QRSL1: variants seen among roughly 807,000 people sequenced by gnomAD.
The protein encoded by QRSL1 is glutamyl-tRNA(Gln) amidotransferase subunit A, mitochondrial.
Under a neutral mutation model 61.6 loss-of-function variants are expected in QRSL1, and 54 were observed. That is an observed-to-expected ratio of 0.88 (90% confidence interval 0.70 to 1.10). QRSL1 has a LOEUF of 1.10. QRSL1 is among the 50% of genes least tolerant of loss of function. The probability of loss-of-function intolerance (pLI) is 0.00; values close to 1 mark genes in which losing one functional copy is unlikely to be tolerated. For synonymous variants in QRSL1, 228 were observed against 225.7 expected (o/e 1.01, Z -0.09); for missense variants, 505 against 622.6 (o/e 0.81, Z 2.01).
intron 1 of QRSL1, among the ~76,000 whole-genome samples, chr6:106,633,097 T>C (rs1221701037): frequency 6.6e-6 from 1 of 152,204 alleles, no homozygotes; most frequent in Non-Finnish European, 1.5e-5. Flanking sequence ...AAAAGAACTA[T>C]TTAGGAGAGC....
At chr6:106,656,133 G>A (rs920988235) in intron 9 of QRSL1, among the ~76,000 whole-genome samples, 2 of 152,130 alleles carry the variant, frequency 1.3e-5, no homozygotes, top group East Asian at 3.8e-4. Context: ...AATTTTAAAC[G>A]TGCAGGAGGT....
At chr6:106,649,871 T>A (rs1173094429) in intron 5 of QRSL1, among the ~76,000 whole-genome samples, 1 of 152,222 alleles carries the variant, frequency 6.6e-6, no homozygotes, top group Non-Finnish European at 1.5e-5. Flanking sequence ...GTTGCTGTGT[T>A]TATCAGTCTC....
chr6:106,633,228 A>C (rs1440437641), intron 1 of QRSL1, among the ~76,000 whole-genome samples: 1 of 152,210 alleles, frequency 6.6e-6, no homozygotes, highest in Non-Finnish European at 1.5e-5. Context: ...CCCAGCTCTA[A>C]AACTACCTTC....
At chr6:106,659,918 C>T (rs1185058578) in intron 9 of QRSL1, among the ~76,000 whole-genome samples, 2 of 152,156 alleles carry the variant, frequency 1.3e-5, no homozygotes. Context: ...GATTGTTTCC[C>T]CAGCCTTGGG....
At position 106,643,219 on chromosome 6, in the gene QRSL1, T is replaced by G. The variant is rs565122003; in HGVS notation, c.380+129T>G. The G allele has an allele frequency of 2.4e-5, 16 of 665,294 alleles. No homozygotes were observed. The South Asian group carries it at 3.0e-4, about 13-fold the overall frequency. 41.2% of individuals were successfully genotyped at this position (665,294 alleles called of 1,614,324 possible). Reference sequence around the variant, plus strand: ...GTCCCTCTGTGAGATTATGTTATGTTGTTTAATAGATATATAGTCATCTCT... The same window carrying G: ...GTCCCTCTGTGAGATTATGTTATGTGGTTTAATAGATATATAGTCATCTCT... On this transcript the variant is annotated intron_variant, in intron 4 of 10. Transcript: ENST00000369046.
intron 4 of QRSL1, among the ~76,000 whole-genome samples, chr6:106,644,901 T>A (rs1002554349): frequency 6.6e-6 from 1 of 152,234 alleles, no homozygotes; most frequent in African/African-American, 2.4e-5. Context: ...AGATCTGTTA[T>A]TCACTTCGAA....
chr6:106,635,657 G>A (rs1043460857), intron 1 of QRSL1, among the ~76,000 whole-genome samples: 13 of 151,984 alleles, frequency 8.6e-5, no homozygotes, highest in African/African-American at 4.8e-5. Context: ...GGCAGATCAC[G>A]AGGTCAGGAG....
chr6:106,662,771 G>A (rs963794061), intron 9 of QRSL1, among the ~76,000 whole-genome samples: 3 of 152,038 alleles, frequency 2.0e-5, no homozygotes, highest in Non-Finnish European at 1.5e-5. Flanking sequence ...CCCCTATGGC[G>A]TCTATGATAG....
Position 106,665,857 on chromosome 6 carries a change from C to T in QRSL1, c.1442C>T (p.Ala481Val), listed in dbSNP as rs142696796. The change falls in exon 11 of 11, where the codon GCG (alanine) becomes GTG (valine). Residue 481 changes from alanine to valine, a missense_variant. Physicochemically the swap from Ala to Val is moderately conservative, Grantham distance 64 (BLOSUM62 0). Transcript: ENST00000369046. Reference sequence around the variant, plus strand: ...ATAGGACTGCAGTTTATTGGACGTGCGTTTTGTGACCAGCAGCTTCTTACA... The same window carrying T: ...ATAGGACTGCAGTTTATTGGACGTGTGTTTTGTGACCAGCAGCTTCTTACA... ...LPIGLQFIGRAFCDQQLLTVA... is the reference protein window; with the variant it reads ...LPIGLQFIGRVFCDQQLLTVA... 165 of 1,613,892 alleles carry T rather than the reference C, an allele frequency of 1.0e-4. 2 individuals carry two copies. The African/African-American group carries it at 1.8e-3, about 18-fold the overall frequency.
At chr6:106,639,840 C>A (rs919576889) in intron 1 of QRSL1, among the ~76,000 whole-genome samples, 3 of 152,050 alleles carry the variant, frequency 2.0e-5, no homozygotes, top group African/African-American at 7.2e-5. Flanking sequence ...CCTTTGAACC[C>A]GTATTTTATA....
intron 3 of QRSL1, chr6:106,642,768 G>C (rs771239301): frequency 6.8e-6 from 5 of 737,768 alleles, no homozygotes; most frequent in African/African-American, 1.7e-5. Context: ...TTCCTGAAAC[G>C]CATTGAGGAA....
At chr6:106,648,499 CG>C (rs1777148438) in intron 4 of QRSL1, among the ~76,000 whole-genome samples, 1 of 152,126 alleles carries the variant, frequency 6.6e-6, no homozygotes, top group African/African-American at 2.4e-5. Flanking sequence ...TATGTACAAA[CG>C]TACACAGAGC....
intron 8 of QRSL1, 39 bp downstream of exon 8, chr6:106,654,961 C>A: frequency 1.3e-6 from 2 of 1,488,154 alleles, no homozygotes; most frequent in South Asian, 1.4e-5. Flanking sequence ...AGGTAGTTGT[C>A]GCAAACATTT....
At chr6:106,660,824 G>A (rs1350834290) in intron 9 of QRSL1, among the ~76,000 whole-genome samples, 2 of 152,078 alleles carry the variant, frequency 1.3e-5, no homozygotes, top group African/African-American at 4.8e-5. Context: ...AGAAAAAGAG[G>A]GAGAGAAAGG....
At chr6:106,657,023 A>G (rs899954468) in intron 9 of QRSL1, among the ~76,000 whole-genome samples, 1 of 152,228 alleles carries the variant, frequency 6.6e-6, no homozygotes, top group Admixed American at 6.5e-5. Flanking sequence ...TAATCCTAGC[A>G]CTTTGGAAGG....
At position 106,646,751 on chromosome 6, in the gene QRSL1, G is replaced by A. The variant is rs187361775; in HGVS notation, c.381-2274G>A. On this transcript the variant is annotated intron_variant, in intron 4 of 10. Coordinates refer to ENST00000369046, the MANE Select transcript of QRSL1 (RefSeq NM_018292.5). ...ACTTAAAAAATTGATAGACTTGGCCGGGCACGGTGGCTCACACCTGTAATC... is the reference window on the plus strand; with the variant it reads ...ACTTAAAAAATTGATAGACTTGGCCAGGCACGGTGGCTCACACCTGTAATC... 6.3e-3 allele frequency among the ~76,000 whole-genome samples: 951 copies of A among 152,158 alleles called. 7 individuals are homozygous for A. The highest frequency in any genetic ancestry group is 0.022 in the African/African-American group (895 of 41,518).
Position 106,636,469 on chromosome 6 carries a change from C to T in QRSL1, c.25-3880C>T, listed in dbSNP as rs148873440. On this transcript the variant is annotated intron_variant, in intron 1 of 10. Transcript: ENST00000369046. ...CCAAGTAGCTGGAACTACAGATGCA[C>T]GCCACCACGCCCAGCTAATTTTTGT... is the stretch of plus-strand genomic sequence containing the variant. 1.6e-3 allele frequency among the ~76,000 whole-genome samples: 251 copies of T among 152,208 alleles called. 3 individuals carry two copies. The East Asian group carries it at 0.029, about 18-fold the overall frequency.
chr6:106,637,467 AAG>A (rs1462180758), intron 1 of QRSL1, among the ~76,000 whole-genome samples: 2 of 151,534 alleles, frequency 1.3e-5, no homozygotes, highest in African/African-American at 4.9e-5. Context: ...AATGAATGAA[AAG>A]TAGTACCAGG....
At chr6:106,654,252 A>G (rs1777231853) in intron 7 of QRSL1, among the ~76,000 whole-genome samples, 1 of 152,186 alleles carries the variant, frequency 6.6e-6, no homozygotes, top group Admixed American at 6.5e-5. Flanking sequence ...CGGAAGGCTA[A>G]GGCAGGAGAA....
Sources: allele counts gnomAD v4.1 joint callset (sites outside exome capture counted in the v4.1 genomes callset), GRCh38; gene constraint gnomAD v4.1.1; transcripts MANE v1.5; gene names NCBI Gene and HGNC (gene_info 2026-07-23, HGNC 2026-07-21).